TAFA1: variants seen among roughly 807,000 people sequenced by gnomAD.
The protein encoded by TAFA1 is TAFA chemokine like family member 1.
A neutral mutation model predicts 18.5 loss-of-function variants in TAFA1; 4 were observed. That is an observed-to-expected ratio of 0.22 (90% CI 0.11 to 0.49). TAFA1 has a LOEUF of 0.49. Ranked by LOEUF, TAFA1 falls within the 20% of genes least tolerant of loss-of-function variation. TAFA1 has a pLI of 0.98. For synonymous variants in TAFA1, 56 were observed against 55.2 expected, an observed-to-expected ratio of 1.01 and a Z score of -0.06; for missense variants, 147 against 169.0, an observed-to-expected ratio of 0.87 and a Z score of 0.72.
the TAFA1 span, among the ~76,000 whole-genome samples, chr3:67,993,188 T>G: frequency 6.6e-6 from 1 of 152,248 alleles, no homozygotes; most frequent in Admixed American, 6.5e-5. Context: ...TGATACTTCA[T>G]AGCCAATTTC....
intron 3 of TAFA1, among the ~76,000 whole-genome samples, chr3:68,534,522 C>T (rs1353484198): frequency 6.6e-6 from 1 of 152,082 alleles, no homozygotes; most frequent in African/African-American, 2.4e-5. Flanking sequence ...AACTTCTCTA[C>T]AACTGGAAGA....
rs6783547 is a variant in TAFA1, at chr3:68,371,693, G to T, written c.119-45587G>T. Among the ~76,000 whole-genome samples the T allele has an allele frequency of 1.4e-4, 22 of 152,258 alleles. No individual in the cohort carries two copies. The East Asian group carries it at 4.1e-3, about 28-fold the overall frequency. Reference sequence around the variant, plus strand: ...ATAGTGCTGCAATAAATGGGTTTTTGTGAAGTTAAAATGTGTGAAATCACC... The same window carrying T: ...ATAGTGCTGCAATAAATGGGTTTTTTTGAAGTTAAAATGTGTGAAATCACC... On this transcript the variant is annotated intron_variant, in intron 2 of 4. Transcript: ENST00000478136.
At chr3:68,459,574 C>G (rs2106918316) in intron 3 of TAFA1, among the ~76,000 whole-genome samples, 1 of 152,168 alleles carries the variant, frequency 6.6e-6, no homozygotes, top group Middle Eastern at 3.4e-3. Context: ...ATAACTAAAT[C>G]CTAACTGTGA....
chr3:68,508,353 A>C (rs146582454), intron 3 of TAFA1, among the ~76,000 whole-genome samples: 108 of 152,202 alleles, frequency 7.1e-4, no homozygotes, highest in African/African-American at 2.5e-3. Context: ...ACCTGAAAAA[A>C]ATCTTAGTGT....
intron 2 of TAFA1, among the ~76,000 whole-genome samples, chr3:68,031,876 T>C (rs1704942512): frequency 2.0e-5 from 3 of 152,160 alleles, no homozygotes; most frequent in Admixed American, 2.0e-4. Flanking sequence ...CATATCCCAT[T>C]GTGATAAACC....
At chr3:68,479,253 T>C (rs1316776503) in intron 3 of TAFA1, among the ~76,000 whole-genome samples, 1 of 144,758 alleles carries the variant, frequency 6.9e-6, no homozygotes, top group African/African-American at 2.6e-5. Flanking sequence ...TATATATATA[T>C]ATATATATAT....
chr3:68,179,128 ACACAT>A (rs1286275186), intron 2 of TAFA1, among the ~76,000 whole-genome samples: 5 of 152,336 alleles, frequency 3.3e-5, no homozygotes, highest in Admixed American at 1.3e-4. Flanking sequence ...ATTTTGAAAC[ACACAT>A]CATCATTCAT....
Position 68,507,082 on chromosome 3 carries a change from G to C in TAFA1, c.260-31674G>C, listed in dbSNP as rs1013148527. On this transcript the variant is annotated intron_variant, in intron 3 of 4. Transcript: ENST00000478136. ...GGGCAGACATTGATAATCAATCACA[G>C]TTCTCTTGCTCGTGAAATCTAGACA... Among the ~76,000 whole-genome samples the C allele has an allele frequency of 2.0e-5, 3 of 152,036 alleles. No individual in the cohort carries two copies. The South Asian group carries it at 6.2e-4, about 32-fold the overall frequency.
chr3:68,329,903 A>G (rs2068835618), intron 2 of TAFA1, among the ~76,000 whole-genome samples: 1 of 152,216 alleles, frequency 6.6e-6, no homozygotes, highest in Non-Finnish European at 1.5e-5. Context: ...TAAATTTTGC[A>G]TTAGTCTTGG....
intron 2 of TAFA1, among the ~76,000 whole-genome samples, chr3:68,116,695 C>T (rs1037377581): frequency 6.6e-6 from 1 of 152,112 alleles, no homozygotes; most frequent in Admixed American, 6.5e-5. Flanking sequence ...TCTGCTTGCC[C>T]CCTCATCTCT....
intron 2 of TAFA1, among the ~76,000 whole-genome samples, chr3:68,344,407 T>A (rs2069132930): frequency 6.6e-6 from 1 of 152,224 alleles, no homozygotes; most frequent in African/African-American, 2.4e-5. Flanking sequence ...AAGTAAATTA[T>A]GAACCCAAGT....
At chr3:68,229,291 T>G (rs2066841883) in intron 2 of TAFA1, among the ~76,000 whole-genome samples, 1 of 152,216 alleles carries the variant, frequency 6.6e-6, no homozygotes, top group Admixed American at 6.5e-5. Context: ...AAAATAAGAA[T>G]TTTACCTCTG....
chr3:68,241,072 G>T (rs2066991694), intron 2 of TAFA1, among the ~76,000 whole-genome samples: 2 of 152,058 alleles, frequency 1.3e-5, no homozygotes, highest in Admixed American at 1.3e-4. Context: ...CATATTTTGG[G>T]CTTACCTATT....
At chr3:68,433,438 T>A (rs909958231) in intron 3 of TAFA1, among the ~76,000 whole-genome samples, 9 of 152,118 alleles carry the variant, frequency 5.9e-5, no homozygotes, top group Non-Finnish European at 1.3e-4. Context: ...TAAGTCCTCC[T>A]GTTGTTGGCT....
At chr3:68,280,979 AATGAG>A (rs1206597375) in intron 2 of TAFA1, among the ~76,000 whole-genome samples, 2 of 152,214 alleles carry the variant, frequency 1.3e-5, no homozygotes, top group Admixed American at 6.5e-5. Flanking sequence ...TAGAGAATTA[AATGAG>A]ATAATATTTA....
At chr3:68,386,435 T>C (rs1046714298) in intron 2 of TAFA1, among the ~76,000 whole-genome samples, 1 of 152,194 alleles carries the variant, frequency 6.6e-6, no homozygotes, top group African/African-American at 2.4e-5. Flanking sequence ...GTATCCTATG[T>C]AGATAGCATG....
intron 4 of TAFA1, among the ~76,000 whole-genome samples, chr3:68,539,942 A>G (rs2073345769): frequency 6.6e-6 from 1 of 152,048 alleles, no homozygotes; most frequent in Non-Finnish European, 1.5e-5. Flanking sequence ...TATTTTTTAA[A>G]GCAAGCTCCA....
At chr3:68,033,479 A>G (rs572287261) in intron 2 of TAFA1, among the ~76,000 whole-genome samples, 2 of 152,330 alleles carry the variant, frequency 1.3e-5, no homozygotes, top group Admixed American at 6.5e-5. Flanking sequence ...AGCTTCTGAC[A>G]TTGATATTTT....
At chr3:68,537,252 A>G (rs565479395) in intron 3 of TAFA1, among the ~76,000 whole-genome samples, 3 of 152,208 alleles carry the variant, frequency 2.0e-5, no homozygotes. Context: ...TGAAAAATCA[A>G]TGGGCAAAAG....
Sources: gnomAD v4.1 joint callset for allele counts (sites outside exome capture counted in the v4.1 genomes callset) on GRCh38, gnomAD v4.1.1 for gene constraint, MANE v1.5 for transcripts, NCBI Gene and HGNC (gene_info 2026-07-23, HGNC 2026-07-21) for gene names.